The following KCNB2 variants were observed in gnomAD, a reference collection of about 807,000 sequenced individuals.
KCNB2 encodes the protein potassium voltage-gated channel subfamily B member 2, also known as delayed rectifier potassium channel protein.
In KCNB2, 15 loss-of-function variants were observed where a neutral mutation model predicts 61.5. That is an observed-to-expected ratio of 0.24 (90% CI 0.16 to 0.38). The LOEUF (loss-of-function observed/expected upper bound fraction) is 0.38. Among genes scored for constraint, KCNB2 ranks in the 10% least tolerant of loss-of-function variants. The pLI is 1.00. For synonymous variants in KCNB2, 457 were observed against 446.0 expected (o/e 1.02, Z -0.31); for missense variants, 828 against 1,125.2 (o/e 0.74, Z 3.78).
At chr8:72,704,500 G>GGT (rs10524175) in intron 2 of KCNB2, among the ~76,000 whole-genome samples, 5,933 of 147,586 alleles carry the variant, frequency 0.04, 130 homozygotes, top group Non-Finnish European at 0.055. Context: ...AGAGAAAGCT[G>GGT]GTGTGTGTGT....
At chr8:72,625,356 A>G (rs550139219) in intron 2 of KCNB2, among the ~76,000 whole-genome samples, 9 of 152,238 alleles carry the variant, frequency 5.9e-5, no homozygotes, top group Non-Finnish European at 1.2e-4. Flanking sequence ...ATTCATCTCA[A>G]TTATAATTTC....
intron 2 of KCNB2, among the ~76,000 whole-genome samples, chr8:72,900,948 G>A (rs1036717195): frequency 5.3e-5 from 8 of 152,158 alleles, no homozygotes; most frequent in African/African-American, 1.2e-4. Context: ...TTCTCAAAGA[G>A]CTTAAAACAG....
chr8:72,891,892 T>G (rs1163371487), intron 2 of KCNB2, among the ~76,000 whole-genome samples: 2 of 152,142 alleles, frequency 1.3e-5, no homozygotes, highest in Non-Finnish European at 2.9e-5. Flanking sequence ...TGTGAATAAT[T>G]TAATCAAATG....
chr8:72,823,275 AC>A (rs1809541050), intron 2 of KCNB2, among the ~76,000 whole-genome samples: 1 of 152,164 alleles, frequency 6.6e-6, no homozygotes, highest in South Asian at 2.1e-4. Context: ...AATTTTGAGT[AC>A]CTTGAGAACA....
intron 2 of KCNB2, among the ~76,000 whole-genome samples, chr8:72,892,096 G>A (rs1414485875): frequency 6.6e-6 from 1 of 152,140 alleles, no homozygotes; most frequent in Non-Finnish European, 1.5e-5. Context: ...CATTGTTAAT[G>A]CGCACACAAA....
chr8:72,792,451 T>C (rs1344109514), intron 2 of KCNB2, among the ~76,000 whole-genome samples: 1 of 152,200 alleles, frequency 6.6e-6, no homozygotes, highest in Non-Finnish European at 1.5e-5. Context: ...ATTTCTCTTG[T>C]TAGGAATATT....
At chr8:72,812,192 T>C (rs2383871) in intron 2 of KCNB2, among the ~76,000 whole-genome samples, 100,396 of 151,600 alleles carry the variant, frequency 0.66, 33,893 homozygotes, top group African/African-American at 0.79. Flanking sequence ...AACCGGGACC[T>C]GGGAGGCGGA....
At chr8:72,892,281 A>G (rs1433865211) in intron 2 of KCNB2, among the ~76,000 whole-genome samples, 1 of 152,168 alleles carries the variant, frequency 6.6e-6, no homozygotes, top group Non-Finnish European at 1.5e-5. Flanking sequence ...GGAGATAACA[A>G]GGTCTGTGTG....
chr8:72,837,508 C>T (rs940549249), intron 2 of KCNB2, among the ~76,000 whole-genome samples: 3 of 152,180 alleles, frequency 2.0e-5, no homozygotes, highest in Admixed American at 1.3e-4. Context: ...ACATTTTCAT[C>T]GATCAGATTA....
chr8:72,836,253 T>A (rs1057431147), intron 2 of KCNB2, among the ~76,000 whole-genome samples: 18 of 152,244 alleles, frequency 1.2e-4, no homozygotes, highest in African/African-American at 4.3e-4. Flanking sequence ...TTAAACTGGC[T>A]ACATTTAAAA....
At chr8:72,768,293 C>G (rs1808493639) in intron 2 of KCNB2, among the ~76,000 whole-genome samples, 1 of 152,030 alleles carries the variant, frequency 6.6e-6, no homozygotes, top group African/African-American at 2.4e-5. Flanking sequence ...CCTGCCTCAC[C>G]CTCCTGAGTA....
At chr8:72,892,095 T>G (rs919347212) in intron 2 of KCNB2, among the ~76,000 whole-genome samples, 2 of 152,188 alleles carry the variant, frequency 1.3e-5, no homozygotes, top group Non-Finnish European at 2.9e-5. Flanking sequence ...TCATTGTTAA[T>G]GCGCACACAA....
rs148700272 is a variant in KCNB2, at chr8:72,544,932, T to A, written c.-94+7047T>A. On this transcript the variant is annotated intron_variant, in intron 1 of 2. Transcript: ENST00000523207. ...CTGGCTTCCATTCACATTCTGTTGATGAGATAGTCACATTGCTCTGTCAGT... is the reference window on the plus strand; with the variant it reads ...CTGGCTTCCATTCACATTCTGTTGAAGAGATAGTCACATTGCTCTGTCAGT... 3.0e-4 allele frequency among the ~76,000 whole-genome samples: 45 copies of A among 152,164 alleles called. 1 individual carries two copies. In the East Asian group the frequency reaches 7.7e-3, roughly 26 times the overall value.
At chr8:72,663,686 GA>G (rs1806415824) in intron 2 of KCNB2, among the ~76,000 whole-genome samples, 1 of 152,178 alleles carries the variant, frequency 6.6e-6, no homozygotes, top group African/African-American at 2.4e-5. Context: ...TGAGAGGGGA[GA>G]TACATGATGC....
chr8:72,886,447 A>G (rs183717488), intron 2 of KCNB2, among the ~76,000 whole-genome samples: 15 of 152,366 alleles, frequency 9.8e-5, no homozygotes, highest in African/African-American at 3.6e-4. Flanking sequence ...TCTGGCTCCT[A>G]GCCAAAAGTT....
At chr8:72,781,939 C>A (rs1012763031) in intron 2 of KCNB2, among the ~76,000 whole-genome samples, 2 of 151,870 alleles carry the variant, frequency 1.3e-5, no homozygotes, top group Non-Finnish European at 2.9e-5. Context: ...GGGAGGGGAA[C>A]AACATACCCT....
chr8:72,732,360 G>A (rs1280711101), intron 2 of KCNB2, among the ~76,000 whole-genome samples: 2 of 152,196 alleles, frequency 1.3e-5, no homozygotes, highest in Non-Finnish European at 2.9e-5. Flanking sequence ...GCCCGCTTGT[G>A]TGACAAGCTG....
intron 2 of KCNB2, among the ~76,000 whole-genome samples, chr8:72,913,725 G>C (rs1293952517): frequency 2.6e-5 from 4 of 152,176 alleles, no homozygotes; most frequent in African/African-American, 9.7e-5. Context: ...AGCCAGTCTG[G>C]AGTTCCAGGA....
intron 2 of KCNB2, among the ~76,000 whole-genome samples, chr8:72,864,314 A>G (rs1334935812): frequency 1.3e-5 from 2 of 152,182 alleles, no homozygotes; most frequent in Non-Finnish European, 2.9e-5. Context: ...CATGCTCCCT[A>G]TCAAGGAAAA....
Sources: gnomAD v4.1 joint callset for allele counts (sites outside exome capture counted in the v4.1 genomes callset) on GRCh38, gnomAD v4.1.1 for gene constraint, MANE v1.5 for transcripts, NCBI Gene and HGNC (gene_info 2026-07-23, HGNC 2026-07-21) for gene names.